RP1L1: variants seen among roughly 807,000 people sequenced by gnomAD.
RP1L1 encodes the protein retinitis pigmentosa 1-like 1 protein.
In RP1L1, 27 loss-of-function variants were observed where a neutral mutation model predicts 15.7. That is an observed-to-expected ratio of 1.72 (90% CI 1.27 to 2.38). The LOEUF is 2.38. Among genes scored for constraint, RP1L1 ranks in the 30% most tolerant of loss-of-function variants. RP1L1 has a pLI of 0.00. For synonymous variants in RP1L1, 1,813 were observed against 1,276.7 expected, an observed-to-expected ratio of 1.42 and a Z score of -8.96; for missense variants, 4,798 against 3,075.9, an observed-to-expected ratio of 1.56 and a Z score of -13.24.
intron 1 of RP1L1, among the ~76,000 whole-genome samples, chr8:10,653,469 CACACACACAT>C (rs1234884521): frequency 1.3e-5 from 2 of 151,776 alleles, no homozygotes; most frequent in African/African-American, 4.8e-5. Flanking sequence ...AACACACACA[CACACACACAT>C]ACACACACAC....
chr8:10,625,797 G>A (rs1017381185), intron 1 of RP1L1, among the ~76,000 whole-genome samples: 1 of 152,146 alleles, frequency 6.6e-6, no homozygotes, highest in Admixed American at 6.5e-5. Flanking sequence ...AGTGAGCACA[G>A]AGACCGAGGG....
In RP1L1 at chr8:10,611,344, C is replaced by A; in HGVS notation, c.2754G>T (p.Gly918=). Residue 918 remains glycine, a synonymous_variant, in exon 4 of 4, where the codon GGG becomes GGT. Transcript: ENST00000382483. ...SRRSSASQGA[G]SRGLSEEKTL... is the part of the protein sequence containing the mutation. ...TCTTCTCCTCGGACAGCCCCCGAGACCCCGCACCCTGGCTGGCACTGCTTC... is the reference window on the plus strand; with the variant it reads ...TCTTCTCCTCGGACAGCCCCCGAGAACCCGCACCCTGGCTGGCACTGCTTC... The A allele has an allele frequency of 1.2e-6, 2 of 1,612,130 alleles. No homozygotes were observed. Among genetic ancestry groups the A allele is most frequent in the Non-Finnish European group, 1.7e-6 (2 of 1,179,910 alleles).
chr8:10,641,645 A>T (rs1279963836), intron 1 of RP1L1, among the ~76,000 whole-genome samples: 3 of 152,210 alleles, frequency 2.0e-5, no homozygotes, highest in Non-Finnish European at 2.9e-5. Flanking sequence ...CATGTGATTG[A>T]GCACTTGCAA....
chr8:10,620,640 G>T (rs1440346277), intron 2 of RP1L1, among the ~76,000 whole-genome samples: 1 of 152,170 alleles, frequency 6.6e-6, no homozygotes, highest in African/African-American at 2.4e-5. Context: ...TGGCCCCATG[G>T]AGCTGAAAGC....
At chr8:10,617,347 C>T (rs1797983281) in intron 2 of RP1L1, among the ~76,000 whole-genome samples, 1 of 139,440 alleles carries the variant, frequency 7.2e-6, no homozygotes, top group Non-Finnish European at 1.5e-5. Context: ...ATCTTTAAAG[C>T]ACAGAGCATG....
intron 1 of RP1L1, among the ~76,000 whole-genome samples, chr8:10,627,691 A>G (rs1798180089): frequency 6.6e-6 from 1 of 152,060 alleles, no homozygotes; most frequent in Non-Finnish European, 1.5e-5. Flanking sequence ...GGTGGGATGA[A>G]TTACCCTTTA....
At chr8:10,623,249 G>C (rs1300383365) in intron 1 of RP1L1, 29 bp from the exon 2 acceptor site, 2 of 1,497,918 alleles carry the variant, frequency 1.3e-6, no homozygotes, top group Non-Finnish European at 1.8e-6. Flanking sequence ...AGAGGGGTCA[G>C]AGAGCAGCTT....
chr8:10,654,191 A>C (rs1798604940), intron 1 of RP1L1, among the ~76,000 whole-genome samples: 1 of 152,106 alleles, frequency 6.6e-6, no homozygotes. Flanking sequence ...GGAGACTGGC[A>C]CTTGACTGGC....
At chr8:10,614,340 C>T (rs7018397) in intron 3 of RP1L1, among the ~76,000 whole-genome samples, 93,129 of 151,966 alleles carry the variant, frequency 0.61, 29,462 homozygotes, top group Non-Finnish European at 0.7. Context: ...GAAGAAAGGG[C>T]TGCTAAGGAT....
rs780975833 is a variant in RP1L1, at chr8:10,608,600, T to C, written c.5498A>G (p.Glu1833Gly). The C allele has an allele frequency of 3.7e-6, 6 of 1,614,082 alleles. No individual in the cohort carries two copies. In the African/African-American group the frequency reaches 5.3e-5, roughly 14 times the overall value. Residue 1833 changes from glutamate (E) to glycine (G), a missense_variant, in exon 4 of 4, where the codon GAA becomes GGA. Glu to Gly is a moderately conservative substitution (Grantham distance 98, BLOSUM62 -2). Transcript: ENST00000382483. ...TTCAGCCTCCGGGGCCTCTATGCCT[T>C]CGGCCCCATCACTCTGTCCTGGATC... ...DQDPGQSDGA[E>G]GIEAPEAEGE...
chr8:10,633,810 C>A (rs1563136473), intron 1 of RP1L1, among the ~76,000 whole-genome samples: 1 of 152,208 alleles, frequency 6.6e-6, no homozygotes, highest in Admixed American at 6.5e-5. Context: ...GTATACAATA[C>A]AAGGTATATG....
At chr8:10,651,214 T>C (rs1798555158) in intron 1 of RP1L1, among the ~76,000 whole-genome samples, 1 of 147,706 alleles carries the variant, frequency 6.8e-6, no homozygotes, top group Admixed American at 6.7e-5. Context: ...GAGCCTGGCC[T>C]GGGAACGTCT....
At chr8:10,639,164 GA>G (rs1189023170) in intron 1 of RP1L1, among the ~76,000 whole-genome samples, 2 of 151,206 alleles carry the variant, frequency 1.3e-5, no homozygotes, top group Non-Finnish European at 2.9e-5. Context: ...GAAAAGAAAA[GA>G]AAAAAAGAGA....
intron 1 of RP1L1, among the ~76,000 whole-genome samples, chr8:10,630,054 G>A (rs978705091): frequency 1.3e-5 from 2 of 152,146 alleles, no homozygotes; most frequent in African/African-American, 2.4e-5. Context: ...AGGGTGGTGA[G>A]GGGGTCTCCT....
Position 10,608,386 on chromosome 8 carries a change from T to G in RP1L1, c.5712A>C (p.Glu1904Asp). 2 of 1,612,196 alleles carry G rather than the reference T, an allele frequency of 1.2e-6. No individual in the cohort carries two copies. The highest frequency in any genetic ancestry group is 1.1e-5 in the South Asian group (1 of 90,960). The stretch of plus-strand genomic sequence containing the variant: ...TTTCTGCCTCCGGGGCTTCTGCACC[T>G]TCTGACTCTGGCTGGACCTCCCATT... ...EAEWEVQPES[E>D]GAEAPEAEKE... Residue 1904 changes from glutamate (E) to aspartate (D), a missense_variant, in exon 4 of 4, where the codon GAA becomes GAC. By Grantham distance (45) the Glu-to-Asp change is conservative (BLOSUM62 2). Coordinates refer to ENST00000382483, the MANE Select transcript of RP1L1 (RefSeq NM_178857.6).
chr8:10,611,456 G>T lies in RP1L1; in HGVS notation c.2642C>A (p.Ala881Asp). Residue 881 changes from alanine to aspartate, a missense_variant, in exon 4 of 4, where the codon GCC (alanine) becomes GAC (aspartate). Coordinates refer to ENST00000382483, the MANE Select transcript of RP1L1 (RefSeq NM_178857.6). ...CTGCGGGCTCCCACCTGGCCCCCGG[G>T]CAGTGCTTTGGTGGCTGCTGCCGGT... ...GSTGSSHQST[A>D]RGPGGSPQEG... The T allele has an allele frequency of 6.4e-7, 1 of 1,571,234 alleles. No homozygotes were observed. Among genetic ancestry groups the T allele is most frequent in the Non-Finnish European group, 8.6e-7 (1 of 1,160,798 alleles).
chr8:10,636,978 G>T (rs1401400925), intron 1 of RP1L1, among the ~76,000 whole-genome samples: 2 of 152,210 alleles, frequency 1.3e-5, no homozygotes, highest in African/African-American at 4.8e-5. Flanking sequence ...CTGAGGCCCT[G>T]ACAGCAGGGC....
At chr8:10,633,820 G>A (rs1051855427) in intron 1 of RP1L1, among the ~76,000 whole-genome samples, 1 of 152,202 alleles carries the variant, frequency 6.6e-6, no homozygotes, top group Non-Finnish European at 1.5e-5. Flanking sequence ...CAAGGTATAT[G>A]TCCAATTAAT....
At chr8:10,631,870 G>C (rs1190549030) in intron 1 of RP1L1, among the ~76,000 whole-genome samples, 1 of 152,232 alleles carries the variant, frequency 6.6e-6, no homozygotes, top group Admixed American at 6.5e-5. Context: ...TCAAAAACAG[G>C]AAGGGGGAAG....
Sources: allele counts gnomAD v4.1 joint callset (sites outside exome capture counted in the v4.1 genomes callset), GRCh38; gene constraint gnomAD v4.1.1; transcripts MANE v1.5; gene names NCBI Gene and HGNC (gene_info 2026-07-23, HGNC 2026-07-21).